The following TMEM132C variants were observed in gnomAD, a reference collection of about 807,000 sequenced individuals.
TMEM132C encodes transmembrane protein 132C.
In TMEM132C, 29 loss-of-function variants were observed where a neutral mutation model predicts 61.4. The observed-to-expected ratio is 0.47, with a 90% CI of 0.35 to 0.64. The LOEUF is 0.64. Among genes scored for constraint, TMEM132C ranks in the 30% least tolerant of loss-of-function variants. The pLI is 0.00. For missense variants in TMEM132C, 1,408 were observed against 1,476.9 expected, an observed-to-expected ratio of 0.95 and a Z score of 0.76; for synonymous variants, 656 against 633.1, an observed-to-expected ratio of 1.04 and a Z score of -0.54.
At chr12:128,635,135 G>A (rs1005859719) in intron 4 of TMEM132C, among the ~76,000 whole-genome samples, 3 of 152,200 alleles carry the variant, frequency 2.0e-5, no homozygotes, top group Admixed American at 6.5e-5. Flanking sequence ...ACTTACAAAT[G>A]TGTTCCTGAC....
intron 1 of TMEM132C, among the ~76,000 whole-genome samples, chr12:128,387,053 A>G (rs1023698610): frequency 9.8e-5 from 14 of 142,612 alleles, no homozygotes; most frequent in Admixed American, 5.9e-4. Context: ...AAGCAGAAGG[A>G]TTGCTTGAGC....
chr12:128,706,910 T>C lies in TMEM132C; in HGVS notation c.*615T>C, dbSNP rs530766698. On this transcript the variant is annotated 3_prime_UTR_variant, in exon 9 of 9. Coordinates refer to ENST00000435159, the MANE Select transcript of TMEM132C (RefSeq NM_001136103.3). ...TCTCTCTCTGTGTCCTAGACTTCCA[T>C]TGCATTTATATTTAATGTTTATTTC... The C allele has an allele frequency of 6.6e-6, 1 of 152,244 alleles. No individual in the cohort carries two copies. The highest frequency in any genetic ancestry group is 1.5e-5 in the Non-Finnish European group (1 of 68,044). The allele number at this position is 152,244 out of a possible 1,614,324, so 9.4% of individuals were successfully genotyped here. A position where few individuals can be genotyped will look rare whatever the true frequency, so the allele number is the denominator to read the frequency against.
chr12:128,624,827 A>G (rs1203238833), intron 4 of TMEM132C, among the ~76,000 whole-genome samples: 3 of 152,236 alleles, frequency 2.0e-5, no homozygotes, highest in Non-Finnish European at 4.4e-5. Flanking sequence ...TGTGCCGGTT[A>G]GAATCCTACT....
At chr12:128,402,103 G>C (rs1351853197) in intron 1 of TMEM132C, among the ~76,000 whole-genome samples, 1 of 152,134 alleles carries the variant, frequency 6.6e-6, no homozygotes, top group Non-Finnish European at 1.5e-5. Context: ...CGAGATATTG[G>C]CTTAGAAGAG....
chr12:128,456,178 C>T (rs2136062830), intron 2 of TMEM132C, among the ~76,000 whole-genome samples: 2 of 152,082 alleles, frequency 1.3e-5, no homozygotes, highest in Middle Eastern at 6.8e-3. Context: ...CAGGAACCAA[C>T]TCTCTTAGTT....
In TMEM132C at chr12:128,326,754, G is replaced by GT. The variant is rs1565902082; in HGVS notation, c.85+59267_85+59268insT. 2.0e-5 allele frequency among the ~76,000 whole-genome samples: 3 copies of GT among 150,614 alleles called. No individual in the cohort carries two copies. Among genetic ancestry groups the GT allele is most frequent in the African/African-American group, 7.5e-5 (3 of 39,922 alleles). On this transcript the variant is annotated intron_variant, in intron 1 of 8. Coordinates refer to ENST00000435159, the MANE Select transcript of TMEM132C (RefSeq NM_001136103.3). The surrounding 1 kb of genome is among the most constrained non-coding windows in gnomAD (Gnocchi z 5.6). ...GGCAGAGAAGTTTCGAGATTCATCA[G>GT]ATGTCTTTATGGCTCCCACATCTCG... is the stretch of plus-strand genomic sequence containing the variant.
intron 2 of TMEM132C, among the ~76,000 whole-genome samples, chr12:128,487,603 GTATATATATA>G (rs35552118): frequency 2.9e-5 from 4 of 136,602 alleles, no homozygotes; most frequent in Non-Finnish European, 4.7e-5. Flanking sequence ...GTGTGTGTGG[GTATATATATA>G]TATATATATA....
At chr12:128,351,513 A>G (rs908040341) in intron 1 of TMEM132C, among the ~76,000 whole-genome samples, 1 of 152,174 alleles carries the variant, frequency 6.6e-6, no homozygotes, top group African/African-American at 2.4e-5. Context: ...AGGCTGGGTA[A>G]TTTATAAAGA....
At chr12:128,279,744 CTGT>C (rs1870830126) in intron 1 of TMEM132C, among the ~76,000 whole-genome samples, 1 of 152,224 alleles carries the variant, frequency 6.6e-6, no homozygotes, top group African/African-American at 2.4e-5. Context: ...TGCACATTGT[CTGT>C]TGTTCTCCAT....
At chr12:128,657,473 G>A (rs548363613) in intron 4 of TMEM132C, among the ~76,000 whole-genome samples, 1 of 152,328 alleles carries the variant, frequency 6.6e-6, no homozygotes, top group South Asian at 2.1e-4. Context: ...AGGTGATGCA[G>A]GGAGGCATGA....
intron 1 of TMEM132C, among the ~76,000 whole-genome samples, chr12:128,340,720 C>T (rs996585456): frequency 1.4e-5 from 2 of 138,788 alleles, no homozygotes; most frequent in Non-Finnish European, 3.0e-5. Context: ...TCTCTTTCTT[C>T]CTTCCTTCCT....
At chr12:128,420,311 C>T (rs1237504272) in intron 2 of TMEM132C, among the ~76,000 whole-genome samples, 1 of 152,184 alleles carries the variant, frequency 6.6e-6, no homozygotes, top group African/African-American at 2.4e-5. Context: ...TTTAAGGTGA[C>T]AGTCAAGGCA....
At position 128,662,288 on chromosome 12, in the gene TMEM132C, C is replaced by A. The variant is rs1403572459; in HGVS notation, c.1306-7129C>A. Among the ~76,000 whole-genome samples, 4 of 152,294 alleles carry A rather than the reference C, an allele frequency of 2.6e-5. No individual in the cohort carries two copies. The East Asian group carries it at 7.7e-4, about 29-fold the overall frequency. On this transcript the variant is annotated intron_variant, in intron 4 of 8. Transcript: ENST00000435159. ...GCCACCAATTGCCTTATACGAGACA[C>A]TTCACATTTATGTTTAATAGCTGCC...
rs1388419361 is a variant in TMEM132C at position 128,705,995 on chromosome 12, C to A, written c.3027C>A (p.Asn1009Lys). The A allele has an allele frequency of 1.4e-5, 22 of 1,551,580 alleles. No homozygotes were observed. The highest frequency in any genetic ancestry group is 1.7e-4 in the Middle Eastern group (1 of 6,014). Residue 1009 changes from asparagine to lysine, a missense_variant, in exon 9 of 9, where the codon AAC becomes AAA. Asn to Lys is a moderately conservative substitution (Grantham distance 94). Coordinates refer to ENST00000435159, the MANE Select transcript of TMEM132C (RefSeq NM_001136103.3). ...GACCGGGGGCCTGCGAGGAGAGCAA[C>A]CATCTCCTGCTCAATGGTGGCTCCC... is the stretch of plus-strand genomic sequence containing the variant. ...DRGPGACEES[N>K]HLLLNGGSHK...
At chr12:128,448,045 C>T (rs1164959569) in intron 2 of TMEM132C, among the ~76,000 whole-genome samples, 1 of 152,118 alleles carries the variant, frequency 6.6e-6, no homozygotes, top group Non-Finnish European at 1.5e-5. Context: ...AAAACGATCC[C>T]ACCGCATTCT....
chr12:128,646,238 G>A (rs1483989773), intron 4 of TMEM132C, among the ~76,000 whole-genome samples: 2 of 152,046 alleles, frequency 1.3e-5, no homozygotes, highest in African/African-American at 4.8e-5. Flanking sequence ...GAGTCCGTCA[G>A]CGTTGGATTT....
intron 4 of TMEM132C, among the ~76,000 whole-genome samples, chr12:128,660,091 G>A (rs558140624): frequency 2.0e-5 from 3 of 152,336 alleles, no homozygotes; most frequent in African/African-American, 2.4e-5. Flanking sequence ...TACACGAAGC[G>A]CTTAAAGAGA....
At chr12:128,340,856 T>TCTTTCTTC (rs1555218715) in intron 1 of TMEM132C, among the ~76,000 whole-genome samples, 6,751 of 147,328 alleles carry the variant, frequency 0.046, 555 homozygotes, top group African/African-American at 0.16. Flanking sequence ...TCTCTTTCTT[T>TCTTTCTTC]CTTCCTTCCT....
At chr12:128,666,050 A>AAC (rs1323606086) in intron 4 of TMEM132C, among the ~76,000 whole-genome samples, 11 of 77,688 alleles carry the variant, frequency 1.4e-4, no homozygotes, top group African/African-American at 5.2e-4. Context: ...CTCATACACA[A>AAC]ACACAGGCAC....
Sources: gnomAD v4.1 joint callset for allele counts (sites outside exome capture counted in the v4.1 genomes callset) on GRCh38, gnomAD v4.1.1 for gene constraint, Gnocchi (gnomAD v3.1) non-coding constraint, MANE v1.5 for transcripts, NCBI Gene and HGNC (gene_info 2026-07-23, HGNC 2026-07-21) for gene names.